The following ZFHX3 variants were observed in gnomAD, a reference collection of about 807,000 sequenced individuals.
The protein encoded by ZFHX3 is zinc finger homeobox 3, also known as zinc finger homeobox protein 3.
Under a neutral mutation model 279.1 loss-of-function variants are expected in ZFHX3, and 42 were observed. The observed-to-expected ratio is 0.15, with a 90% CI of 0.12 to 0.19. ZFHX3 has a LOEUF of 0.19. Ranked by LOEUF, ZFHX3 falls within the 10% of genes least tolerant of loss-of-function variation. The probability of loss-of-function intolerance (pLI) is 1.00; values close to 1 mark genes in which losing one functional copy is unlikely to be tolerated. For synonymous variants in ZFHX3, 2,293 were observed against 1,957.8 expected, an observed-to-expected ratio of 1.17 and a Z score of -4.52; for missense variants, 4,981 against 4,754.0, an observed-to-expected ratio of 1.05 and a Z score of -1.40.
chr16:73,334,619 G>A (rs2015873069), intron 3 of ZFHX3, among the ~76,000 whole-genome samples: 1 of 151,862 alleles, frequency 6.6e-6, no homozygotes, highest in Non-Finnish European at 1.5e-5. Flanking sequence ...GCCACTCGCA[G>A]TCACTCTTCT....
intron 5 of ZFHX3, among the ~76,000 whole-genome samples, chr16:73,198,180 G>A (rs935050674): frequency 5.9e-5 from 9 of 151,556 alleles, no homozygotes; most frequent in East Asian, 1.9e-4. Flanking sequence ...CTAGTGATCC[G>A]CCCGCCTCAG....
intron 1 of ZFHX3, chr16:73,014,959 T>G (rs1964047933): frequency 6.6e-6 from 1 of 150,792 alleles, no homozygotes; most frequent in African/African-American, 2.4e-5. Flanking sequence ...CTCCAGACCC[T>G]AGGGACCAGC....
chr16:73,089,622 G>A (rs185758193), intron 8 of ZFHX3, among the ~76,000 whole-genome samples: 9 of 152,248 alleles, frequency 5.9e-5, no homozygotes, highest in Admixed American at 3.9e-4. Flanking sequence ...ATGAATCAGG[G>A]CAGGTCTCTG....
intron 2 of ZFHX3, among the ~76,000 whole-genome samples, chr16:73,622,711 T>G (rs2052375911): frequency 6.6e-6 from 1 of 152,158 alleles, no homozygotes; most frequent in Non-Finnish European, 1.5e-5. Flanking sequence ...CCAGTGACAC[T>G]CTGGTATCGC....
chr16:73,260,192 G>A (rs1394013368), intron 4 of ZFHX3, among the ~76,000 whole-genome samples: 1 of 151,966 alleles, frequency 6.6e-6, no homozygotes, highest in African/African-American at 2.4e-5. Context: ...TTAGATTCAG[G>A]GTATGCATTT....
intron 2 of ZFHX3, among the ~76,000 whole-genome samples, chr16:73,662,196 T>C (rs2052792662): frequency 6.6e-6 from 1 of 152,220 alleles, no homozygotes; most frequent in African/African-American, 2.4e-5. Flanking sequence ...ACAGAAATAG[T>C]TGTTAAATCA....
chr16:72,953,511 G>C (rs1217316801), intron 2 of ZFHX3, among the ~76,000 whole-genome samples: 3 of 152,190 alleles, frequency 2.0e-5, no homozygotes, highest in Admixed American at 1.3e-4. Context: ...GCTCTAAAGA[G>C]AAATTCAGCT....
chr16:73,650,387 T>C (rs953773743), intron 2 of ZFHX3, among the ~76,000 whole-genome samples: 1 of 150,448 alleles, frequency 6.6e-6, no homozygotes, highest in African/African-American at 2.4e-5. Flanking sequence ...CTAAATTAAA[T>C]GGGATCTCAA....
chr16:72,948,173 A>G (rs11075949), intron 3 of ZFHX3, among the ~76,000 whole-genome samples: 3,673 of 152,276 alleles, frequency 0.024, 89 homozygotes, highest in South Asian at 0.064. Context: ...GCCATTCATT[A>G]CCCAAGGACT....
chr16:73,457,340 T>C (rs2018390651), intron 2 of ZFHX3, among the ~76,000 whole-genome samples: 1 of 152,152 alleles, frequency 6.6e-6, no homozygotes, highest in South Asian at 2.1e-4. Context: ...GTTTCCCCCA[T>C]CGGTGGCAGC....
At chr16:73,539,212 T>G (rs2019965466) in intron 2 of ZFHX3, among the ~76,000 whole-genome samples, 2 of 151,948 alleles carry the variant, frequency 1.3e-5, no homozygotes, top group Non-Finnish European at 2.9e-5. Context: ...CTTCTGTGAC[T>G]GTGTGGCCTG....
chr16:73,260,494 C>G lies in ZFHX3; in HGVS notation c.-1193-3358G>C, dbSNP rs564867532. 2.0e-5 allele frequency among the ~76,000 whole-genome samples: 3 copies of G among 152,200 alleles called. No individual in the cohort carries two copies. In the South Asian group the frequency reaches 6.2e-4, roughly 32 times the overall value. ...CATTCTTGCTCCTGATGTGTGTCTTCTGACATGTCCCCATTTTTCCGTGAG... is the reference window on the plus strand; with the variant it reads ...CATTCTTGCTCCTGATGTGTGTCTTGTGACATGTCCCCATTTTTCCGTGAG... On this transcript the variant is annotated intron_variant, in intron 4 of 17. Transcript: ENST00000641206.
At chr16:73,373,800 A>G (rs2016675245) in intron 3 of ZFHX3, among the ~76,000 whole-genome samples, 1 of 152,222 alleles carries the variant, frequency 6.6e-6, no homozygotes, top group Non-Finnish European at 1.5e-5. Context: ...TGATTTCCCT[A>G]CACAATACAA....
intron 1 of ZFHX3, among the ~76,000 whole-genome samples, chr16:73,025,270 G>A (rs1292428443): frequency 6.6e-6 from 1 of 152,110 alleles, no homozygotes; most frequent in Non-Finnish European, 1.5e-5. Flanking sequence ...CCAATGCGGC[G>A]GCAGCCACCA....
chr16:73,210,093 C>T (rs546915174), intron 5 of ZFHX3, among the ~76,000 whole-genome samples: 1 of 152,300 alleles, frequency 6.6e-6, no homozygotes, highest in South Asian at 2.1e-4. Flanking sequence ...ATTATTCTGG[C>T]TATGTTTGCA....
chr16:73,262,985 C>T (rs1353230071), intron 4 of ZFHX3, among the ~76,000 whole-genome samples: 1 of 152,126 alleles, frequency 6.6e-6, no homozygotes, highest in Non-Finnish European at 1.5e-5. Flanking sequence ...CAGCAGGCTA[C>T]AGAAACCCAC....
intron 3 of ZFHX3, among the ~76,000 whole-genome samples, chr16:73,393,309 A>G (rs982992460): frequency 6.6e-6 from 1 of 152,160 alleles, no homozygotes; most frequent in African/African-American, 2.4e-5. Context: ...TTGTCAGTAC[A>G]TTCTTGTCAG....
At chr16:73,363,241 G>A (rs1269455906) in intron 3 of ZFHX3, among the ~76,000 whole-genome samples, 3 of 152,200 alleles carry the variant, frequency 2.0e-5, no homozygotes, top group Non-Finnish European at 2.9e-5. Flanking sequence ...GGAGGACCCG[G>A]ATCAAACTGC....
At chr16:73,038,816 G>C (rs1965006817) in intron 1 of ZFHX3, among the ~76,000 whole-genome samples, 1 of 146,130 alleles carries the variant, frequency 6.8e-6, no homozygotes. Context: ...TATTATTATT[G>C]AGTCGGGATG....
Sources: gnomAD v4.1 joint callset for allele counts (sites outside exome capture counted in the v4.1 genomes callset) on GRCh38, gnomAD v4.1.1 for gene constraint, MANE v1.5 for transcripts, NCBI Gene and HGNC (gene_info 2026-07-23, HGNC 2026-07-21) for gene names.